The following DLGAP1 variants were observed in gnomAD, a reference collection of about 807,000 sequenced individuals.
The protein encoded by DLGAP1 is DLG associated protein 1.
A neutral mutation model predicts 90.8 loss-of-function variants in DLGAP1; 11 were observed. The ratio of observed to expected loss-of-function variants is 0.12; its 90% CI spans 0.08 to 0.20. The LOEUF (loss-of-function observed/expected upper bound fraction) is 0.20, where lower values mean the gene tolerates loss of function less well. Among genes scored for constraint, DLGAP1 ranks in the 10% least tolerant of loss-of-function variants. The pLI is 1.00. For missense variants in DLGAP1, 1,050 were observed against 1,333.8 expected (o/e 0.79, Z 3.31); for synonymous variants, 558 against 540.7 (o/e 1.03, Z -0.44).
At chr18:3,854,502 C>T (rs993545782) in intron 4 of DLGAP1, among the ~76,000 whole-genome samples, 2 of 152,164 alleles carry the variant, frequency 1.3e-5, no homozygotes, top group African/African-American at 2.4e-5. Flanking sequence ...GTTCTTTCCT[C>T]AAGATTCTAC....
chr18:3,851,136 A>G (rs74415507), intron 4 of DLGAP1, among the ~76,000 whole-genome samples: 41 of 152,288 alleles, frequency 2.7e-4, no homozygotes, highest in African/African-American at 9.4e-4. Context: ...GGAGGTATGA[A>G]GGGGTTCTAG....
chr18:3,862,385 A>T (rs999514455), intron 4 of DLGAP1, among the ~76,000 whole-genome samples: 1 of 152,204 alleles, frequency 6.6e-6, no homozygotes, highest in African/African-American at 2.4e-5. Flanking sequence ...TTTTGCAGAC[A>T]TGTTTCTTAA....
intron 2 of DLGAP1, among the ~76,000 whole-genome samples, chr18:4,061,105 C>T (rs548977073): frequency 6.6e-6 from 1 of 152,240 alleles, no homozygotes; most frequent in East Asian, 1.9e-4. Flanking sequence ...AGTCTTCACA[C>T]CTAATACATA....
chr18:4,291,255 T>C (rs762939019), intron 1 of DLGAP1, among the ~76,000 whole-genome samples: 4 of 152,126 alleles, frequency 2.6e-5, no homozygotes, highest in Non-Finnish European at 5.9e-5. Flanking sequence ...AGAAAATGAG[T>C]GGAAGGACTT....
intron 1 of DLGAP1, among the ~76,000 whole-genome samples, chr18:4,322,847 G>C (rs989543066): frequency 1.4e-5 from 2 of 145,700 alleles, no homozygotes; most frequent in Non-Finnish European, 3.0e-5. Context: ...TGTAGTCCCA[G>C]TTACTCAGGA....
chr18:4,069,924 C>T (rs2075422941), intron 2 of DLGAP1, among the ~76,000 whole-genome samples: 1 of 152,056 alleles, frequency 6.6e-6, no homozygotes, highest in Admixed American at 6.6e-5. Flanking sequence ...GTTATCTTCA[C>T]TACTTTTAAT....
At chr18:3,629,486 A>C (rs1421011402) in intron 7 of DLGAP1, among the ~76,000 whole-genome samples, 1 of 152,032 alleles carries the variant, frequency 6.6e-6, no homozygotes, top group Non-Finnish European at 1.5e-5. Context: ...CCTGGCTAAC[A>C]CGCTGAAACC....
At chr18:3,743,881 C>T (rs2063160830) in intron 5 of DLGAP1, among the ~76,000 whole-genome samples, 1 of 151,714 alleles carries the variant, frequency 6.6e-6, no homozygotes, top group Non-Finnish European at 1.5e-5. Flanking sequence ...AACTCCTGGC[C>T]TCAAGTGACC....
intron 3 of DLGAP1, among the ~76,000 whole-genome samples, chr18:3,974,440 G>T (rs985742465): frequency 6.6e-6 from 1 of 152,160 alleles, no homozygotes; most frequent in African/African-American, 2.4e-5. Flanking sequence ...ATTTTCAAAA[G>T]AACTTTTAAC....
intron 11 of DLGAP1, among the ~76,000 whole-genome samples, chr18:3,507,757 T>TTTTTC (rs55758715): frequency 6.7e-6 from 1 of 148,364 alleles, no homozygotes; most frequent in South Asian, 2.2e-4. Flanking sequence ...TTTTTTTTTT[T>TTTTTC]GGAGATGAAG....
At chr18:3,976,920 A>G (rs2073594258) in intron 3 of DLGAP1, among the ~76,000 whole-genome samples, 1 of 152,176 alleles carries the variant, frequency 6.6e-6, no homozygotes, top group Non-Finnish European at 1.5e-5. Context: ...CTCATGATTT[A>G]GATTTGCATT....
intron 10 of DLGAP1, among the ~76,000 whole-genome samples, chr18:3,524,059 A>T (rs1421105142): frequency 6.6e-6 from 1 of 152,198 alleles, no homozygotes; most frequent in Non-Finnish European, 1.5e-5. Context: ...GTTTGAGCCC[A>T]GGTGTTCAAG....
intron 2 of DLGAP1, among the ~76,000 whole-genome samples, chr18:4,125,298 C>T (rs970989830): frequency 2.6e-5 from 4 of 152,150 alleles, no homozygotes; most frequent in Non-Finnish European, 4.4e-5. Flanking sequence ...GGGCCTCCAG[C>T]CCAGCCTAGC....
At chr18:3,994,942 G>C (rs1389092078) in intron 3 of DLGAP1, among the ~76,000 whole-genome samples, 2 of 152,310 alleles carry the variant, frequency 1.3e-5, no homozygotes, top group Admixed American at 1.3e-4. Context: ...TAAAAAGCGA[G>C]AGAACTTAGC....
intron 1 of DLGAP1, among the ~76,000 whole-genome samples, chr18:4,190,549 T>C (rs886560654): frequency 1.3e-5 from 2 of 152,150 alleles, no homozygotes; most frequent in Admixed American, 1.3e-4. Flanking sequence ...TGTATTAATA[T>C]TAGCTCATCA....
chr18:4,345,216 C>CT (rs1362845616), intron 1 of DLGAP1, among the ~76,000 whole-genome samples: 6 of 151,772 alleles, frequency 4.0e-5, no homozygotes, highest in South Asian at 4.2e-4. Context: ...CATGGCTCCC[C>CT]TTTTTTTTAA....
intron 8 of DLGAP1, among the ~76,000 whole-genome samples, chr18:3,572,957 G>A (rs2054896797): frequency 6.6e-6 from 1 of 152,054 alleles, no homozygotes; most frequent in African/African-American, 2.4e-5. Context: ...CAGGAAATAT[G>A]CTGACACGAT....
At chr18:4,392,176 G>A (rs116162647) in intron 1 of DLGAP1, among the ~76,000 whole-genome samples, 3 of 152,096 alleles carry the variant, frequency 2.0e-5, no homozygotes, top group Admixed American at 6.5e-5. Flanking sequence ...AACCCAGATG[G>A]GTAGCCCAAA....
chr18:3,634,773 C>T (rs1327454393), intron 7 of DLGAP1, among the ~76,000 whole-genome samples: 1 of 152,220 alleles, frequency 6.6e-6, no homozygotes, highest in African/African-American at 2.4e-5. Context: ...GACTGAAGGA[C>T]TCTCCCTGTC....
Sources: gnomAD v4.1 joint callset for allele counts (sites outside exome capture counted in the v4.1 genomes callset) on GRCh38, gnomAD v4.1.1 for gene constraint, MANE v1.5 for transcripts, NCBI Gene and HGNC (gene_info 2026-07-23, HGNC 2026-07-21) for gene names.